The following SPTBN5 variants were observed in gnomAD, a reference collection of about 807,000 sequenced individuals.
SPTBN5 encodes spectrin beta, non-erythrocytic 5, also known as spectrin beta chain, non-erythrocytic 5.
In SPTBN5, 513 loss-of-function variants were observed where a neutral mutation model predicts 477.6. That is an observed-to-expected ratio of 1.07 (90% CI 1.00 to 1.16). SPTBN5 has a LOEUF of 1.16. Ranked by LOEUF, SPTBN5 falls within the 50% of genes most tolerant of loss-of-function variation. The pLI is 0.00. For missense variants in SPTBN5, 5,062 were observed against 4,731.8 expected, an observed-to-expected ratio of 1.07 and a Z score of -2.05; for synonymous variants, 2,169 against 2,011.7, an observed-to-expected ratio of 1.08 and a Z score of -2.09.
At chr15:41,856,244 G>A in intron 53 of SPTBN5, 142 bp downstream of exon 53, 1 of 769,898 alleles carries the variant, frequency 1.3e-6, no homozygotes, top group South Asian at 2.2e-5. Flanking sequence ...GGAAACATGT[G>A]GAAGGAAGCC....
chr15:41,858,504 C>G, intron 49 of SPTBN5, 98 bp downstream of exon 49: 6 of 1,408,634 alleles, frequency 4.3e-6, no homozygotes, highest in Non-Finnish European at 5.7e-6. Flanking sequence ...CTGGATAACG[C>G]TGGCCACCGT....
At chr15:41,875,721 G>A (rs935589998) in intron 21 of SPTBN5, 99 bp from the exon 22 acceptor site, 15 of 1,250,282 alleles carry the variant, frequency 1.2e-5, no homozygotes, top group Non-Finnish European at 1.5e-5. Context: ...GTGAGGGGGT[G>A]ACCACAGCTG....
chr15:41,885,180 C>T (rs2067108041), intron 7 of SPTBN5, among the ~76,000 whole-genome samples: 2 of 152,230 alleles, frequency 1.3e-5, no homozygotes, highest in South Asian at 2.1e-4. Context: ...CCCGCCACCA[C>T]GCCTGGCTAA....
chr15:41,886,201 G>A lies in SPTBN5; in HGVS notation c.1054C>T (p.Arg352Cys), dbSNP rs755228815. 73 of 1,612,926 alleles carry A rather than the reference G, an allele frequency of 4.5e-5. No homozygotes were observed. The highest frequency in any genetic ancestry group is 2.5e-4 in the Admixed American group (15 of 60,010). ...RQLLAAFTIFRTQEKPPRLQQ... is the reference protein window; with the variant it reads ...RQLLAAFTIFCTQEKPPRLQQ... ...AGCCGGGGTGGCTTCTCCTGGGTGC[G>A]GAAGATGGTGAATGCTGCCAGTAGC... The change falls in exon 7 of 68, where the codon CGC (arginine) becomes TGC (cysteine). Residue 352 changes from arginine (R) to cysteine (C), a missense_variant. Physicochemically the swap from Arg to Cys is radical, Grantham distance 180 (BLOSUM62 -3). Transcript: ENST00000320955.
chr15:41,871,920 G>A lies in SPTBN5; in HGVS notation c.5166-3C>T. 6.4e-7 allele frequency: 1 copy of A among 1,565,398 alleles called. No homozygotes were observed. The highest frequency in any genetic ancestry group is 2.4e-5 in the East Asian group (1 of 42,484). On this transcript the variant is annotated splice_region_variant and splice_polypyrimidine_tract_variant and intron_variant, in intron 27 of 67. Coordinates refer to ENST00000320955, the MANE Select transcript of SPTBN5 (RefSeq NM_016642.4). ...GGGTCCCCTCCAGTTCCCGGTCCCT[G>A]TGGTAACAGTCCGTGGTTCCCCAGA... is the stretch of plus-strand genomic sequence containing the variant.
At chr15:41,865,999 T>TC (rs1314217736) in intron 38 of SPTBN5, 39 bp downstream of exon 38, 5 of 1,547,078 alleles carry the variant, frequency 3.2e-6, no homozygotes, top group African/African-American at 1.4e-5. Context: ...GGAGGGCTCC[T>TC]CCCCCCATCT....
chr15:41,852,828 T>G lies in SPTBN5; in HGVS notation c.10343A>C (p.Tyr3448Ser). 1 of 1,605,588 alleles carries G rather than the reference T, an allele frequency of 6.2e-7. No homozygotes were observed. The highest frequency in any genetic ancestry group is 1.1e-5 in the South Asian group (1 of 90,734). Residue 3448 changes from tyrosine (Y) to serine (S), a missense_variant, in exon 60 of 68, where the codon TAT (tyrosine) becomes TCT (serine). Coordinates refer to ENST00000320955, the MANE Select transcript of SPTBN5 (RefSeq NM_016642.4). ...CWEGLLLKPD[Y>S]GHSVSDVELL... ...AGGGGCAGGACCCCCACTCACCCCA[T>G]AGTCGGGCTTCAGCAGGAGTCCCTC...
chr15:41,877,529 G>C (rs1309978733), intron 17 of SPTBN5, among the ~76,000 whole-genome samples, 173 bp from the exon 18 acceptor site: 1 of 152,244 alleles, frequency 6.6e-6, no homozygotes, highest in Non-Finnish European at 1.5e-5. Flanking sequence ...GGCTCCAGCC[G>C]GCCGTCCTTA....
rs1377469736 is a variant in SPTBN5 at position 41,848,452 on chromosome 15, C to A, written c.*164G>T. 2 of 777,592 alleles carry A rather than the reference C, an allele frequency of 2.6e-6. No individual in the cohort carries two copies. Among genetic ancestry groups the A allele is most frequent in the African/African-American group, 1.7e-5 (1 of 58,734 alleles). The allele number at this position is 777,592 out of a possible 1,614,324, so 48.2% of individuals were successfully genotyped here. A position where few individuals can be genotyped will look rare whatever the true frequency, so the allele number is the denominator to read the frequency against. On this transcript the variant is annotated 3_prime_UTR_variant, in exon 68 of 68. Transcript: ENST00000320955. ...GCTGTTTCCTGCCACATGGTAGGACCCATCTAACCAGAAGGAACTGTCTAT... is the reference window on the plus strand; with the variant it reads ...GCTGTTTCCTGCCACATGGTAGGACACATCTAACCAGAAGGAACTGTCTAT...
Position 41,863,685 on chromosome 15 carries a change from A to G in SPTBN5, c.7149+19T>C. Reference sequence around the variant, plus strand: ...GCATTTGCTCACAGCCCCCACCGGGACCTCTTTCCACCACGTACCTTCTCC... The same window carrying G: ...GCATTTGCTCACAGCCCCCACCGGGGCCTCTTTCCACCACGTACCTTCTCC... On this transcript the variant is annotated intron_variant, in intron 41 of 67. Transcript: ENST00000320955. The G allele has an allele frequency of 6.3e-7, 1 of 1,599,126 alleles. No homozygotes were observed. Among genetic ancestry groups the G allele is most frequent in the South Asian group, 1.1e-5 (1 of 90,602 alleles).
At chr15:41,849,672 CTG>C (rs761356731) in intron 67 of SPTBN5, among the ~76,000 whole-genome samples, 195 bp downstream of exon 67, 3 of 152,160 alleles carry the variant, frequency 2.0e-5, no homozygotes, top group Admixed American at 6.5e-5. Context: ...ACTGTAGAGT[CTG>C]TGGAAATCTG....
intron 61 of SPTBN5, 57 bp downstream of exon 61, chr15:41,852,577 G>A (rs1269350229): frequency 1.3e-6 from 2 of 1,557,828 alleles, no homozygotes; most frequent in Non-Finnish European, 8.9e-7. Flanking sequence ...CTGACTTGCA[G>A]GCTGAGAGGG....
chr15:41,858,759 G>T lies in SPTBN5; in HGVS notation c.8080-11C>A. On this transcript the variant is annotated splice_polypyrimidine_tract_variant and intron_variant, in intron 48 of 67. Coordinates refer to ENST00000320955, the MANE Select transcript of SPTBN5 (RefSeq NM_016642.4). ...CAGCCACGCAGCCACCTGGGCACAT[G>T]GGGAGGACAGGCCTGCTGTCCAGGG... 6.2e-7 allele frequency: 1 copy of T among 1,607,518 alleles called. No individual in the cohort carries two copies. The highest frequency in any genetic ancestry group is 2.2e-5 in the East Asian group (1 of 44,736).
chr15:41,873,525 C>G lies in SPTBN5; in HGVS notation c.4974G>C (p.Glu1658Asp). Residue 1658 changes from glutamate to aspartate, a missense_variant, in exon 26 of 68, where the codon GAG becomes GAC. Coordinates refer to ENST00000320955, the MANE Select transcript of SPTBN5 (RefSeq NM_016642.4). Reference protein sequence around the residue: ...LVSSRDYGRDEAATLRLINKH... With the variant: ...LVSSRDYGRDDAATLRLINKH... ...TGTTAATGAGCCTGAGGGTGGCTGC[C>G]TCGTCTCTGCCATAGTCCCGACTGC... 1 of 1,551,902 alleles carries G rather than the reference C, an allele frequency of 6.4e-7. No homozygotes were observed. The highest frequency in any genetic ancestry group is 8.7e-7 in the Non-Finnish European group (1 of 1,147,102).
chr15:41,892,933 C>T lies in SPTBN5; in HGVS notation c.345G>A (p.Leu115=). The T allele has an allele frequency of 1.2e-6, 2 of 1,607,712 alleles. No homozygotes were observed. The highest frequency in any genetic ancestry group is 1.3e-5 in the African/African-American group (1 of 75,056). Residue 115 remains leucine (L), a synonymous_variant, in exon 3 of 68, where the codon CTG becomes CTA. Transcript: ENST00000320955. Reference sequence around the variant, plus strand: ...AGGCCAGAGCTCGGCTGCTGTTCTCCAGGAAGTGCACACGCAGGCGGCCCC... The same window carrying T: ...AGGCCAGAGCTCGGCTGCTGTTCTCTAGGAAGTGCACACGCAGGCGGCCCC... ...PSRGRLRVHF[L]ENSSRALAFL...
chr15:41,848,776 G>T (rs953922219), intron 67 of SPTBN5, 148 bp from the exon 68 acceptor site: 1 of 947,880 alleles, frequency 1.1e-6, no homozygotes, highest in Admixed American at 1.8e-5. Flanking sequence ...ACTGACAGGC[G>T]CTGCAGCAGC....
chr15:41,860,096 A>C (rs1427490405), intron 47 of SPTBN5, among the ~76,000 whole-genome samples: 2 of 152,214 alleles, frequency 1.3e-5, no homozygotes, highest in African/African-American at 4.8e-5. Flanking sequence ...CAGTTAGATG[A>C]ACTAAGACTT....
At chr15:41,882,777 C>T (rs369820829) in intron 9 of SPTBN5, 39 bp from the exon 10 acceptor site, 3 of 1,591,856 alleles carry the variant, frequency 1.9e-6, no homozygotes, top group Non-Finnish European at 2.6e-6. Flanking sequence ...CATGGGGAGT[C>T]GTGAGGCATG....
chr15:41,862,633 A>G lies in SPTBN5; in HGVS notation c.7291T>C (p.Cys2431Arg). 6.4e-7 allele frequency: 1 copy of G among 1,555,972 alleles called. No individual in the cohort carries two copies. The highest frequency in any genetic ancestry group is 8.7e-7 in the Non-Finnish European group (1 of 1,152,890). The change falls in exon 43 of 68, where the codon TGC (cysteine) becomes CGC (arginine). Residue 2431 changes from cysteine to arginine, a missense_variant. Coordinates refer to ENST00000320955, the MANE Select transcript of SPTBN5 (RefSeq NM_016642.4). ...TGGGCTGCCTCGGGGCTTCTTTGGC[A>G]GAGGCGGCCCACTTCACGCTCTAGG... ...ESLEREVGRL[C>R]QRSPEAAHGL...
Sources: allele counts gnomAD v4.1 joint callset (sites outside exome capture counted in the v4.1 genomes callset), GRCh38; gene constraint gnomAD v4.1.1; transcripts MANE v1.5; gene names NCBI Gene and HGNC (gene_info 2026-07-23, HGNC 2026-07-21).